Variants in ARMC2 observed in about 807,000 individuals in gnomAD.
ARMC2 encodes the protein armadillo repeat containing 2.
Under a neutral mutation model 90.3 loss-of-function variants are expected in ARMC2, and 67 were observed. That is an observed-to-expected ratio of 0.74 (90% CI 0.61 to 0.91). ARMC2 has a LOEUF of 0.91. ARMC2 is among the 40% of genes least tolerant of loss of function. ARMC2 has a pLI of 0.00. For synonymous variants in ARMC2, 393 were observed against 393.0 expected, an observed-to-expected ratio of 1.00 and a Z score of 0.00; for missense variants, 920 against 1,030.9, an observed-to-expected ratio of 0.89 and a Z score of 1.47.
intron 6 of ARMC2, among the ~76,000 whole-genome samples, chr6:108,895,482 CAAA>C (rs58785510): frequency 1.0e-5 from 1 of 100,296 alleles, no homozygotes. Flanking sequence ...AGACTCATCT[CAAA>C]AAAAAAAAAA....
At chr6:108,898,688 A>G (rs1397513338) in intron 6 of ARMC2, among the ~76,000 whole-genome samples, 1 of 152,246 alleles carries the variant, frequency 6.6e-6, no homozygotes, top group Non-Finnish European at 1.5e-5. Context: ...CTTTGAGGTC[A>G]AATGCAGAGG....
At chr6:109,027,142 C>T in the ARMC2 span, among the ~76,000 whole-genome samples, 12 of 151,872 alleles carry the variant, frequency 7.9e-5, no homozygotes, top group Non-Finnish European at 1.8e-4. Flanking sequence ...TGCATTCCAG[C>T]CTCAGTGACA....
chr6:108,928,221 C>A lies in ARMC2; in HGVS notation c.1484C>A (p.Ala495Asp). Residue 495 changes from alanine (A) to aspartate (D), a missense_variant, in exon 11 of 18, where the codon GCC becomes GAC. Coordinates refer to ENST00000392644, the MANE Select transcript of ARMC2 (RefSeq NM_032131.6). ...GACAAGGACGTCTGTACCAATATTGCCAGAATATTCAGGTAGGTAGACTAA... is the reference window on the plus strand; with the variant it reads ...GACAAGGACGTCTGTACCAATATTGACAGAATATTCAGGTAGGTAGACTAA... ...KGDKDVCTNI[A>D]RIFSKLTSYR... The A allele has an allele frequency of 6.5e-7, 1 of 1,539,400 alleles. No individual in the cohort carries two copies.
At chr6:108,986,168 CCTT>C in the ARMC2 span, among the ~76,000 whole-genome samples, 2 of 152,162 alleles carry the variant, frequency 1.3e-5, no homozygotes, top group African/African-American at 4.8e-5. Flanking sequence ...CCTAATGAAT[CCTT>C]CTTTTTAGTA....
At chr6:108,907,940 A>G in intron 8 of ARMC2, 2 of 1,382,686 alleles carry the variant, frequency 1.4e-6, no homozygotes, top group South Asian at 1.2e-5. Flanking sequence ...GGGGTTTTAA[A>G]CAATATTATT....
intron 4 of ARMC2, among the ~76,000 whole-genome samples, chr6:108,872,525 T>C (rs528802608): frequency 4.6e-5 from 7 of 152,282 alleles, no homozygotes; most frequent in African/African-American, 1.4e-4. Flanking sequence ...GTCTGCTCAC[T>C]GGGGTGCTGT....
the ARMC2 span, among the ~76,000 whole-genome samples, chr6:109,005,835 T>C: frequency 6.6e-6 from 1 of 152,220 alleles, no homozygotes. Flanking sequence ...TTTTACAAAT[T>C]ATACAAACGT....
intron 12 of ARMC2, among the ~76,000 whole-genome samples, chr6:108,951,627 T>A (rs1777184092): frequency 1.3e-5 from 2 of 152,238 alleles, no homozygotes; most frequent in African/African-American, 4.8e-5. Context: ...AAGTTGGTAT[T>A]GGCAGAGAAG....
chr6:108,907,473 T>TAA, intron 8 of ARMC2: 1 of 512,574 alleles, frequency 2.0e-6, no homozygotes, highest in Non-Finnish European at 3.2e-6. Context: ...TTTTTTTTTT[T>TAA]TTTTACCAGT....
chr6:108,998,564 A>AT, the ARMC2 span: 1 of 1,613,932 alleles, frequency 6.2e-7, no homozygotes, highest in Non-Finnish European at 8.5e-7. Flanking sequence ...TGTGATTGCC[A>AT]TTTGTAATGT....
the ARMC2 span, among the ~76,000 whole-genome samples, chr6:109,004,743 A>T: frequency 2.0e-5 from 3 of 149,966 alleles, no homozygotes; most frequent in African/African-American, 7.4e-5. Context: ...ATCGTATTTT[A>T]AAAATGAGCA....
Position 108,928,106 on chromosome 6 carries a change from A to C in ARMC2, c.1369A>C (p.Asn457His), listed in dbSNP as rs550872353. Reference protein sequence around the residue: ...LLVQVTATLRNLVDSSLVRSK... With the variant: ...LLVQVTATLRHLVDSSLVRSK... ...ATCCTAGGTGACTGCTACATTGAGAAACTTGGTTGATTCATCATTAGTAAG... is the reference window on the plus strand; with the variant it reads ...ATCCTAGGTGACTGCTACATTGAGACACTTGGTTGATTCATCATTAGTAAG... The change falls in exon 11 of 18, where the codon AAC becomes CAC. Residue 457 changes from asparagine to histidine, a missense_variant. Transcript: ENST00000392644. The C allele has an allele frequency of 9.3e-6, 15 of 1,604,828 alleles. No individual in the cohort carries two copies. The African/African-American group carries it at 1.2e-4, about 13-fold the overall frequency.
At chr6:108,903,669 T>G (rs1562371115) in intron 7 of ARMC2, among the ~76,000 whole-genome samples, 1 of 152,184 alleles carries the variant, frequency 6.6e-6, no homozygotes, top group African/African-American at 2.4e-5. Context: ...TTGAGGGCAC[T>G]GGTCATATAA....
the ARMC2 span, among the ~76,000 whole-genome samples, chr6:108,989,203 A>G: frequency 6.6e-6 from 1 of 152,048 alleles, no homozygotes. Context: ...GGGTATCACC[A>G]TATTGGCCAG....
At chr6:108,977,684 T>C (rs1387432962), downstream of ARMC2, among the ~76,000 whole-genome samples, 1 of 152,230 alleles carries the variant, frequency 6.6e-6, no homozygotes, top group African/African-American at 2.4e-5. Context: ...GAACTTGTTA[T>C]TGGTCTATTC....
intron 5 of ARMC2, among the ~76,000 whole-genome samples, chr6:108,878,217 C>G (rs1010726278): frequency 2.6e-5 from 4 of 152,172 alleles, no homozygotes; most frequent in African/African-American, 7.2e-5. Flanking sequence ...TGACTAATTC[C>G]AAGAAATGAT....
chr6:108,923,233 GATTATATACAATAA>G (rs1254631212), intron 10 of ARMC2, among the ~76,000 whole-genome samples: 1 of 152,012 alleles, frequency 6.6e-6, no homozygotes, highest in Non-Finnish European at 1.5e-5. Context: ...TGGTTTGAAA[GATTATATACAATAA>G]AAAAGAAAAA....
intron 9 of ARMC2, 47 bp downstream of exon 9, chr6:108,911,048 A>G: frequency 8.5e-7 from 1 of 1,171,086 alleles, no homozygotes; most frequent in Non-Finnish European, 1.2e-6. Context: ...GTACTTGAGT[A>G]AAAATTAGAA....
At chr6:109,008,385 G>A in the ARMC2 span, among the ~76,000 whole-genome samples, 1 of 152,168 alleles carries the variant, frequency 6.6e-6, no homozygotes, top group Non-Finnish European at 1.5e-5. Flanking sequence ...GATTTTTAAA[G>A]ATTGTTTTAT....
Sources: gnomAD v4.1 joint callset for allele counts (sites outside exome capture counted in the v4.1 genomes callset) on GRCh38, gnomAD v4.1.1 for gene constraint, MANE v1.5 for transcripts, NCBI Gene and HGNC (gene_info 2026-07-23, HGNC 2026-07-21) for gene names.